Variants in ATP2A3 observed in about 807,000 individuals in gnomAD.
ATP2A3 encodes ATPase sarcoplasmic/endoplasmic reticulum Ca2+ transporting 3, also known as sarcoplasmic/endoplasmic reticulum calcium ATPase 3.
In ATP2A3, 61 loss-of-function variants were observed where a neutral mutation model predicts 106.8. The observed-to-expected ratio is 0.57, with a 90% CI of 0.46 to 0.71. The LOEUF is 0.71. Among genes scored for constraint, ATP2A3 ranks in the 30% least tolerant of loss-of-function variants. The pLI is 0.00. For synonymous variants in ATP2A3, 611 were observed against 609.3 expected (o/e 1.00, Z -0.04); for missense variants, 1,201 against 1,423.5 (o/e 0.84, Z 2.52).
At chr17:3,931,221 G>A (rs1262546151) in intron 17 of ATP2A3, among the ~76,000 whole-genome samples, 1 of 151,842 alleles carries the variant, frequency 6.6e-6, no homozygotes, top group East Asian at 1.9e-4. Flanking sequence ...GATCTGATGT[G>A]TGCTTCTGAC....
At position 3,930,810 on chromosome 17, in the gene ATP2A3, G is replaced by A; in HGVS notation, c.2611-376C>T. On this transcript the variant is annotated intron_variant, in intron 17 of 20. Transcript: ENST00000397041. This position sits in a 1 kb window ranked among gnomAD's most constrained non-coding sequence, Gnocchi z 5.4. ...TGCGGGAGTGGAATTCACCTTTGCGGTATAGAAGATGAAGGCTACGCAGGC... is the reference window on the plus strand; with the variant it reads ...TGCGGGAGTGGAATTCACCTTTGCGATATAGAAGATGAAGGCTACGCAGGC... 2.7e-6 allele frequency: 1 copy of A among 368,168 alleles called. No homozygotes were observed. Among genetic ancestry groups the A allele is most frequent in the Admixed American group, 3.8e-5 (1 of 26,600 alleles). The allele number at this position is 368,168 out of a possible 1,614,324, so 22.8% of individuals were successfully genotyped here.
In ATP2A3 at chr17:3,936,820, C is replaced by T. The variant is rs1303622246; in HGVS notation, c.2322-351G>A. On this transcript the variant is annotated intron_variant, in intron 15 of 20. Coordinates refer to ENST00000397041, the MANE Select transcript of ATP2A3 (RefSeq NM_005173.4). The surrounding 1 kb of genome is among the most constrained non-coding windows in gnomAD (Gnocchi z 5.4). The stretch of plus-strand genomic sequence containing the variant: ...AAAACCTAGCACATGCCACACCATC[C>T]GGCAAACACAAGCAAACACCTACAT... 26 of 379,400 alleles carry T rather than the reference C, an allele frequency of 6.9e-5. No individual in the cohort carries two copies. The East Asian group carries it at 1.1e-3, about 16-fold the overall frequency. The allele number at this position is 379,400 out of a possible 1,614,324, so 23.5% of individuals were successfully genotyped here. A position where few individuals can be genotyped will look rare whatever the true frequency, so the allele number is the denominator to read the frequency against.
rs781761104 is a variant in ATP2A3, at chr17:3,941,042, C to T, written c.2029G>A (p.Ala677Thr). 4.3e-6 allele frequency: 7 copies of T among 1,613,730 alleles called. No homozygotes were observed. Among genetic ancestry groups the T allele is most frequent in the East Asian group, 2.2e-5 (1 of 44,878 alleles). The change falls in exon 14 of 21, where the codon GCC (alanine) becomes ACC (threonine). Residue 677 changes from alanine (A) to threonine (T), a missense_variant. This residue lies in a region of ATP2A3 where 935 missense variants were observed against 1,176.7 expected (regional missense o/e 0.79). Transcript: ENST00000397041. ...GACTTGTGTGCGGGCTCCACGCGGGCGAAGCAGCGGGCGGTGCGGCAGGCC... is the reference window on the plus strand; with the variant it reads ...GACTTGTGTGCGGGCTCCACGCGGGTGAAGCAGCGGGCGGTGCGGCAGGCC... The part of the protein sequence containing the change: ...RQACRTARCF[A>T]RVEPAHKSRI...
chr17:3,947,546 C>T lies in ATP2A3; in HGVS notation c.940G>A (p.Val314Ile), dbSNP rs1181774516. 1 of 1,613,192 alleles carries T rather than the reference C, an allele frequency of 6.2e-7. No homozygotes were observed. Among genetic ancestry groups the T allele is most frequent in the South Asian group, 1.1e-5 (1 of 91,084 alleles). ...CCCAGTGCCAGGCATGTAGTGATGA[C>T]AGCCGGGAGGCCCTCGGGGATGGCC... ...VAAIPEGLPA[V>I]ITTCLALGTR... Residue 314 changes from valine (V) to isoleucine (I), a missense_variant, in exon 8 of 21, where the codon GTC (valine) becomes ATC (isoleucine). This residue lies in a region of ATP2A3 where 935 missense variants were observed against 1,176.7 expected (regional missense o/e 0.79). Transcript: ENST00000397041. This position sits in a 1 kb window ranked among gnomAD's most constrained non-coding sequence, Gnocchi z 7.7.
chr17:3,931,321 T>A (rs1166575560), intron 17 of ATP2A3, among the ~76,000 whole-genome samples: 1 of 151,990 alleles, frequency 6.6e-6, no homozygotes, highest in Non-Finnish European at 1.5e-5. Context: ...CCCTATAGCC[T>A]CAGGGGAGTT....
intron 14 of ATP2A3, among the ~76,000 whole-genome samples, chr17:3,939,908 C>T (rs2053649438): frequency 6.8e-6 from 1 of 147,414 alleles, no homozygotes; most frequent in African/African-American, 2.5e-5. Context: ...AAATCTAGGG[C>T]AGATAAAACT....
In ATP2A3 at chr17:3,928,189, G is replaced by T; in HGVS notation, c.2980+474C>A. The T allele has an allele frequency of 6.2e-7, 1 of 1,609,862 alleles. No individual in the cohort carries two copies. Among genetic ancestry groups the T allele is most frequent in the Non-Finnish European group, 8.5e-7 (1 of 1,176,484 alleles). On this transcript the variant is annotated intron_variant, in intron 20 of 20. Coordinates refer to ENST00000397041, the MANE Select transcript of ATP2A3 (RefSeq NM_005173.4). The surrounding 1 kb of genome is among the most constrained non-coding windows in gnomAD (Gnocchi z 6.1). ...AGGCAGACCCAGAGCTGTGAGCTCA[G>T]AAACAACCCTCCCCTTGACCCACCC...
At chr17:3,933,972 C>T (rs8076346) in intron 17 of ATP2A3, among the ~76,000 whole-genome samples, 1 of 150,474 alleles carries the variant, frequency 6.6e-6, no homozygotes, top group Admixed American at 6.6e-5. Context: ...CTCCCAGGCT[C>T]GAGTGCAGTG....
rs73328991 is a variant in ATP2A3 at position 3,928,553 on chromosome 17, G to A, written c.2980+110C>T. 2.2e-5 allele frequency: 24 copies of A among 1,101,188 alleles called. No individual in the cohort carries two copies. The highest frequency in any genetic ancestry group is 1.6e-4 in the African/African-American group (10 of 64,214). 68.2% of individuals were successfully genotyped at this position (1,101,188 alleles called of 1,614,324 possible). A position where few individuals can be genotyped will look rare whatever the true frequency, so the allele number is the denominator to read the frequency against. On this transcript the variant is annotated intron_variant, in intron 20 of 20. Transcript: ENST00000397041. This position sits in a 1 kb window ranked among gnomAD's most constrained non-coding sequence, Gnocchi z 6.1. The stretch of plus-strand genomic sequence containing the variant: ...CTTGGTGATCCGAGAACGCCTCCCC[G>A]ATGTGCAGACAGAGAGGCTCTGCGC...
Position 3,928,748 on chromosome 17 carries a change from G to T in ATP2A3, c.2895C>A (p.Arg965=). ...ATATCTGGAGCACCACCACCCACTG[G>T]CGCCCGCTCAGTGGGGTCACCTGGA... ...LIFQVTPLSG[R]QWVVVLQISL... is the part of the protein sequence containing the mutation. The change falls in exon 20 of 21, where the codon CGC becomes CGA. Residue 965 remains arginine (R), a synonymous_variant. Transcript: ENST00000397041. This position sits in a 1 kb window ranked among gnomAD's most constrained non-coding sequence, Gnocchi z 6.1. The T allele has an allele frequency of 6.4e-7, 1 of 1,552,756 alleles. No homozygotes were observed.
chr17:3,943,286 ACAAAACG>A, intron 11 of ATP2A3, 98 bp downstream of exon 11: 1 of 1,484,946 alleles, frequency 6.7e-7, no homozygotes, highest in Non-Finnish European at 9.1e-7. Flanking sequence ...AAAAAAAAAA[ACAAAACG>A]AAACAAAACA....
In ATP2A3 at chr17:3,950,718, C is replaced by G. The variant is rs752221896; in HGVS notation, c.519G>C (p.Leu173=). 6.2e-7 allele frequency: 1 copy of G among 1,614,020 alleles called. No individual in the cohort carries two copies. The change falls in exon 6 of 21, where the codon CTG becomes CTC. Residue 173 remains leucine (L), a synonymous_variant. Transcript: ENST00000397041. ...CCGTCAGGATGGACTGGTCCACTCG[C>G]AGCGTGGTGGACTTGATCTCGATGA... ...LRLIEIKSTT[L]RVDQSILTGE...
In ATP2A3 at chr17:3,955,744, G is replaced by A. The variant is rs970128197; in HGVS notation, c.119-2034C>T. ...CTCACCTTTCTTTATTCTGGGCAGG[G>A]GCGAGGCCTGGGGTTGGGAAGCGTG... On this transcript the variant is annotated intron_variant, in intron 1 of 20. Coordinates refer to ENST00000397041, the MANE Select transcript of ATP2A3 (RefSeq NM_005173.4). The surrounding 1 kb of genome is among the most constrained non-coding windows in gnomAD (Gnocchi z 4.2). 1.3e-5 allele frequency among the ~76,000 whole-genome samples: 2 copies of A among 152,190 alleles called. No homozygotes were observed. The highest frequency in any genetic ancestry group is 3.9e-4 in the East Asian group (2 of 5,188).
chr17:3,947,729 G>C lies in ATP2A3; in HGVS notation c.757C>G (p.Leu253Val), dbSNP rs2054195196. 1.2e-6 allele frequency: 2 copies of C among 1,609,994 alleles called. No individual in the cohort carries two copies. The highest frequency in any genetic ancestry group is 1.7e-6 in the Non-Finnish European group (2 of 1,179,870). ...GACAGCTGCCGTCCAAACTCGTCCA[G>C]CTTGCGCTGCAGCGGCGTCCGCTCG... ...EPERTPLQRK[L>V]DEFGRQLSHA... The change falls in exon 8 of 21, where the codon CTG becomes GTG. Residue 253 changes from leucine to valine, a missense_variant. Coordinates refer to ENST00000397041, the MANE Select transcript of ATP2A3 (RefSeq NM_005173.4). This position sits in a 1 kb window ranked among gnomAD's most constrained non-coding sequence, Gnocchi z 7.7.
chr17:3,934,342 G>T (rs2053298881), intron 17 of ATP2A3, among the ~76,000 whole-genome samples: 1 of 151,962 alleles, frequency 6.6e-6, no homozygotes, highest in Non-Finnish European at 1.5e-5. Flanking sequence ...TCCCACCTCA[G>T]CCTCCCAAGA....
chr17:3,944,788 A>C lies in ATP2A3; in HGVS notation c.1203T>G (p.Pro401=). 1 of 1,611,696 alleles carries C rather than the reference A, an allele frequency of 6.2e-7. No homozygotes were observed. The highest frequency in any genetic ancestry group is 1.7e-5 in the Admixed American group (1 of 59,810). ...PEGEVRQGDQ[P]VRCGQFDGLV... ...GCCCGTCGAACTGGCCGCAGCGCAC[A>C]GGCTGATCCCCCTGCCGCCTGCGGA... The change falls in exon 10 of 21, where the codon CCT becomes CCG. Residue 401 remains proline, a synonymous_variant. Coordinates refer to ENST00000397041, the MANE Select transcript of ATP2A3 (RefSeq NM_005173.4).
At chr17:3,934,150 C>T (rs1247951905) in intron 17 of ATP2A3, among the ~76,000 whole-genome samples, 2 of 151,986 alleles carry the variant, frequency 1.3e-5, no homozygotes. Context: ...TCTTGAACTC[C>T]TGACCTCAAG....
intron 1 of ATP2A3, among the ~76,000 whole-genome samples, chr17:3,954,059 A>G (rs2054611361): frequency 6.6e-6 from 1 of 151,470 alleles, no homozygotes; most frequent in South Asian, 2.1e-4. Context: ...CACTTCCCCC[A>G]CCCAGGTCAC....
chr17:3,945,352 TC>T (rs1218634167), intron 8 of ATP2A3: 3 of 508,926 alleles, frequency 5.9e-6, no homozygotes, highest in Non-Finnish European at 1.1e-5. Context: ...TGTGTCCGGC[TC>T]CGGTTTGTCC....
Sources: gnomAD v4.1 joint callset for allele counts (sites outside exome capture counted in the v4.1 genomes callset) on GRCh38, gnomAD v4.1.1 for gene constraint, gnomAD v4.1.1 regional missense constraint, Gnocchi (gnomAD v3.1) non-coding constraint, MANE v1.5 for transcripts, NCBI Gene and HGNC (gene_info 2026-07-23, HGNC 2026-07-21) for gene names.